DYM: variants seen among roughly 807,000 people sequenced by gnomAD.
DYM encodes dyggve-Melchior-Clausen syndrome protein.
In DYM, 78 loss-of-function variants were observed where a neutral mutation model predicts 93.1. That is an observed-to-expected ratio of 0.84 (90% CI 0.70 to 1.01). The LOEUF (loss-of-function observed/expected upper bound fraction) is 1.01, where lower values mean the gene tolerates loss of function less well. Among genes scored for constraint, DYM ranks in the 50% least tolerant of loss-of-function variants. The pLI is 0.00. For synonymous variants in DYM, 321 were observed against 319.7 expected (o/e 1.00, Z -0.04); for missense variants, 789 against 845.0 (o/e 0.93, Z 0.82).
At chr18:49,405,006 C>A (rs1174762376) in intron 2 of DYM, among the ~76,000 whole-genome samples, 2 of 129,442 alleles carry the variant, frequency 1.5e-5, no homozygotes, top group Admixed American at 1.6e-4. Context: ...GAGTGAGACT[C>A]CATCTCAAAA....
intron 16 of DYM, among the ~76,000 whole-genome samples, chr18:49,108,442 A>C (rs2081077240): frequency 6.6e-6 from 1 of 152,196 alleles, no homozygotes; most frequent in African/African-American, 2.4e-5. Context: ...CTCCCCAATG[A>C]GATGAACCCG....
At chr18:49,213,981 G>C (rs910041570) in intron 13 of DYM, among the ~76,000 whole-genome samples, 7 of 152,292 alleles carry the variant, frequency 4.6e-5, no homozygotes, top group Middle Eastern at 3.4e-3. Flanking sequence ...CTCAACAGTG[G>C]TATTTGATTT....
intron 13 of DYM, among the ~76,000 whole-genome samples, chr18:49,216,603 C>T (rs557734238): frequency 1.3e-5 from 2 of 152,130 alleles, no homozygotes; most frequent in Non-Finnish European, 1.5e-5. Context: ...CATGAAAATC[C>T]GCAGTTCTGA....
intron 17 of DYM, among the ~76,000 whole-genome samples, chr18:49,051,797 G>A (rs544695101): frequency 6.6e-6 from 1 of 152,292 alleles, no homozygotes; most frequent in South Asian, 2.1e-4. Context: ...TGAAGGCCTG[G>A]TCCCCTCCAC....
rs569578346 is a variant in DYM at position 49,053,164 on chromosome 18, G to A, written c.2026-8960C>T. Among the ~76,000 whole-genome samples the A allele has an allele frequency of 5.3e-5, 8 of 152,250 alleles. No homozygotes were observed. The South Asian group carries it at 1.2e-3, about 24-fold the overall frequency. The stretch of plus-strand genomic sequence containing the variant: ...GTCAACCTACCACAGTGGGACATCC[G>A]GACGCCCAGCTCAGAGACAAAGCAA... On this transcript the variant is annotated intron_variant, in intron 17 of 17. Transcript: ENST00000675505.
At chr18:49,312,548 G>A (rs1289888627) in intron 8 of DYM, among the ~76,000 whole-genome samples, 1 of 152,142 alleles carries the variant, frequency 6.6e-6, no homozygotes, top group Non-Finnish European at 1.5e-5. Context: ...TCAGGTAAAG[G>A]AAGCATCCCC....
At chr18:49,440,953 TA>T (rs1453036526) in intron 1 of DYM, among the ~76,000 whole-genome samples, 2 of 438 alleles carry the variant, frequency 4.6e-3, no homozygotes, top group African/African-American at 5.8e-3. Flanking sequence ...ATATATTATA[TA>T]AATATATTAT....
intron 14 of DYM, among the ~76,000 whole-genome samples, chr18:49,171,861 G>A (rs2088785494): frequency 1.3e-5 from 2 of 152,128 alleles, no homozygotes; most frequent in African/African-American, 4.8e-5. Flanking sequence ...CAGCTTTATT[G>A]AGAAATAATC....
intron 15 of DYM, among the ~76,000 whole-genome samples, chr18:49,124,460 G>A (rs1469840756): frequency 1.3e-5 from 2 of 149,070 alleles, no homozygotes; most frequent in African/African-American, 5.0e-5. Flanking sequence ...AGTGAGCTAT[G>A]ATCATGCCAC....
intron 2 of DYM, among the ~76,000 whole-genome samples, chr18:49,400,974 G>A (rs942653056): frequency 7.9e-5 from 12 of 152,110 alleles, no homozygotes; most frequent in Non-Finnish European, 1.8e-4. Context: ...AAATGGTACT[G>A]TAAAAATATG....
chr18:49,386,201 C>T (rs1258242783), intron 3 of DYM, among the ~76,000 whole-genome samples: 13 of 151,896 alleles, frequency 8.6e-5, no homozygotes, highest in African/African-American at 2.4e-4. Flanking sequence ...ATACAATTAA[C>T]GTCAGATTTA....
intron 15 of DYM, among the ~76,000 whole-genome samples, chr18:49,156,886 G>C (rs1055835562): frequency 6.6e-6 from 1 of 152,126 alleles, no homozygotes; most frequent in Non-Finnish European, 1.5e-5. Flanking sequence ...GTTTTGTGGA[G>C]CATCTGGCCA....
intron 1 of DYM, among the ~76,000 whole-genome samples, chr18:49,455,550 TTC>T (rs1278432859): frequency 1.3e-5 from 2 of 152,206 alleles, no homozygotes; most frequent in African/African-American, 4.8e-5. Context: ...AAAACTGAAG[TTC>T]AAAAAGGTTG....
At chr18:49,314,951 A>G (rs993465012) in intron 8 of DYM, among the ~76,000 whole-genome samples, 3 of 152,234 alleles carry the variant, frequency 2.0e-5, no homozygotes, top group Admixed American at 6.5e-5. Flanking sequence ...GTGGTGGCTC[A>G]GGCCTATAAT....
intron 3 of DYM, among the ~76,000 whole-genome samples, chr18:49,389,400 A>G (rs903155466): frequency 9.2e-5 from 14 of 152,170 alleles, no homozygotes; most frequent in African/African-American, 3.4e-4. Flanking sequence ...AAAAATATCA[A>G]CAATGCCTAT....
At chr18:49,292,357 C>CAGACAG (rs1306163725) in intron 8 of DYM, among the ~76,000 whole-genome samples, 11 of 54,216 alleles carry the variant, frequency 2.0e-4, no homozygotes, top group African/African-American at 7.2e-4. Context: ...GACAGACAGA[C>CAGACAG]ACACACACAC....
At chr18:49,232,443 A>G (rs544118278) in intron 13 of DYM, among the ~76,000 whole-genome samples, 2 of 150,832 alleles carry the variant, frequency 1.3e-5, no homozygotes, top group South Asian at 2.1e-4. Context: ...AGCTAGGACT[A>G]CAGGCACCCA....
Position 49,038,210 on chromosome 18 carries a change from A to G in DYM, c.*5845T>C, listed in dbSNP as rs2070774854. Among the ~76,000 whole-genome samples the G allele has an allele frequency of 6.6e-6, 1 of 152,188 alleles. No homozygotes were observed. Among genetic ancestry groups the G allele is most frequent in the Admixed American group, 6.5e-5 (1 of 15,284 alleles). On this transcript the variant is annotated 3_prime_UTR_variant, in exon 18 of 18. Coordinates refer to ENST00000675505, the MANE Select transcript of DYM (RefSeq NM_001353214.3). ...TTATTGAGTTTGGTGTCCTACATAC[A>G]TCCGTTTGGTTTGCTCATTTCATTG...
chr18:49,313,167 TA>T (rs2061700568), intron 8 of DYM, among the ~76,000 whole-genome samples: 1 of 151,896 alleles, frequency 6.6e-6, no homozygotes, highest in Admixed American at 6.6e-5. Context: ...ACCTTGCTGA[TA>T]AAACAGGTTG....
Sources: allele counts gnomAD v4.1 joint callset (sites outside exome capture counted in the v4.1 genomes callset), GRCh38; gene constraint gnomAD v4.1.1; transcripts MANE v1.5; gene names NCBI Gene and HGNC (gene_info 2026-07-23, HGNC 2026-07-21).